Variants in XYLT1 observed in about 807,000 individuals in gnomAD.
XYLT1 encodes beta-D-xylosyltransferase 1.
XYLT1 carries 36 observed loss-of-function variants against 91.3 expected under a neutral mutation model. The ratio of observed to expected loss-of-function variants is 0.39; its 90% CI spans 0.30 to 0.52. The LOEUF (loss-of-function observed/expected upper bound fraction) is 0.52, where lower values mean the gene tolerates loss of function less well. XYLT1 is among the 20% of genes least tolerant of loss of function. XYLT1 has a pLI of 0.68. For synonymous variants in XYLT1, 588 were observed against 532.0 expected (o/e 1.11, Z -1.45); for missense variants, 1,242 against 1,284.5 (o/e 0.97, Z 0.51).
chr16:17,331,187 G>C (rs1193683926), intron 2 of XYLT1, among the ~76,000 whole-genome samples: 3 of 152,374 alleles, frequency 2.0e-5, no homozygotes, highest in South Asian at 2.1e-4. Context: ...CTCTGGAGGA[G>C]GGGGAGATGA....
At chr16:17,415,396 G>A (rs1331753840) in intron 1 of XYLT1, among the ~76,000 whole-genome samples, 2 of 152,154 alleles carry the variant, frequency 1.3e-5, no homozygotes, top group Non-Finnish European at 2.9e-5. Flanking sequence ...GGTAATCTCA[G>A]AAATAAATGG....
rs71137969 is a variant in XYLT1 at position 17,115,800 on chromosome 16, TAAAAAAAAAAAA to T, written c.2557+1834_2557+1845del. Among the ~76,000 whole-genome samples the T allele has an allele frequency of 9.9e-5, 5 of 50,340 alleles. No individual in the cohort carries two copies. The East Asian group carries it at 2.5e-3, about 26-fold the overall frequency. 33.0% of individuals were successfully genotyped at this position (50,340 alleles called of 152,430 possible). A position where few individuals can be genotyped will look rare whatever the true frequency, so the allele number is the denominator to read the frequency against. On this transcript the variant is annotated intron_variant, in intron 11 of 11. Coordinates refer to ENST00000261381, the MANE Select transcript of XYLT1 (RefSeq NM_022166.4). ...GGCACCCAGCCAACCTCTGTTATAT[TAAAAAAAAAAAA>T]AAAAAAAAAAAAAGACTTTTCCTTG...
intron 1 of XYLT1, among the ~76,000 whole-genome samples, chr16:17,389,757 G>C (rs1046978526): frequency 6.6e-6 from 1 of 152,160 alleles, no homozygotes; most frequent in Admixed American, 6.6e-5. Flanking sequence ...AAGGGTGTAG[G>C]CTTCAAGACA....
chr16:17,134,016 C>T (rs539962822), intron 9 of XYLT1, among the ~76,000 whole-genome samples: 22 of 152,104 alleles, frequency 1.4e-4, no homozygotes, highest in African/African-American at 3.9e-4. Context: ...CGGGAGGAGG[C>T]GGAAGGTGGG....
At chr16:17,244,963 AT>A (rs1241180158) in intron 3 of XYLT1, among the ~76,000 whole-genome samples, 1 of 152,126 alleles carries the variant, frequency 6.6e-6, no homozygotes, top group Non-Finnish European at 1.5e-5. Context: ...CTATTAATAT[AT>A]TTTTTACAAG....
At chr16:17,158,378 A>G (rs1172766494) in intron 6 of XYLT1, among the ~76,000 whole-genome samples, 1 of 152,194 alleles carries the variant, frequency 6.6e-6, no homozygotes, top group Admixed American at 6.5e-5. Context: ...CAATTCCCTG[A>G]GAGGAAGGAC....
chr16:17,420,521 G>T (rs1250618063), intron 1 of XYLT1, among the ~76,000 whole-genome samples: 2 of 152,118 alleles, frequency 1.3e-5, no homozygotes, highest in Non-Finnish European at 2.9e-5. Context: ...CATAGTCATA[G>T]CTAAGTAGCC....
intron 6 of XYLT1, among the ~76,000 whole-genome samples, chr16:17,156,044 TGCA>T (rs1258307287): frequency 2.0e-5 from 3 of 152,202 alleles, no homozygotes; most frequent in African/African-American, 7.2e-5. Flanking sequence ...ATGCTGTATA[TGCA>T]GCATCTCATT....
chr16:17,189,512 A>T (rs983591114), intron 5 of XYLT1, among the ~76,000 whole-genome samples: 2 of 152,336 alleles, frequency 1.3e-5, no homozygotes, highest in South Asian at 4.1e-4. Flanking sequence ...CAGGGCATAC[A>T]GTGCAGATAC....
chr16:17,200,227 A>C (rs1200193698), intron 4 of XYLT1, among the ~76,000 whole-genome samples: 3 of 151,098 alleles, frequency 2.0e-5, no homozygotes, highest in African/African-American at 7.3e-5. Flanking sequence ...CAAAAAAAAA[A>C]GAAAAAAAAC....
chr16:17,242,264 G>A (rs1016031725), intron 3 of XYLT1, among the ~76,000 whole-genome samples: 1 of 152,196 alleles, frequency 6.6e-6, no homozygotes, highest in Non-Finnish European at 1.5e-5. Context: ...TTTTATCAGA[G>A]CACAGACATG....
chr16:17,466,033 C>A (rs1280698869), intron 1 of XYLT1, among the ~76,000 whole-genome samples: 2 of 152,190 alleles, frequency 1.3e-5, no homozygotes, highest in Non-Finnish European at 2.9e-5. Flanking sequence ...CGGGGCCTCG[C>A]ACATACTTGT....
intron 2 of XYLT1, among the ~76,000 whole-genome samples, chr16:17,327,604 CCG>C (rs1181320110): frequency 7.1e-3 from 5 of 700 alleles, no homozygotes; most frequent in African/African-American, 0.024. Flanking sequence ...CCTCGTGATC[CCG>C]CCCCCCCCCC....
intron 1 of XYLT1, among the ~76,000 whole-genome samples, chr16:17,384,692 C>T (rs1227951142): frequency 2.0e-5 from 3 of 151,742 alleles, no homozygotes; most frequent in African/African-American, 7.2e-5. Context: ...AAACATCTAA[C>T]TTTGCAACTC....
At chr16:17,306,382 G>T (rs1212860665) in intron 2 of XYLT1, among the ~76,000 whole-genome samples, 1 of 152,208 alleles carries the variant, frequency 6.6e-6, no homozygotes, top group African/African-American at 2.4e-5. Context: ...AGTGGCTCAC[G>T]CCTGTAATCC....
At chr16:17,235,960 G>C (rs143235793) in intron 3 of XYLT1, among the ~76,000 whole-genome samples, 1 of 152,076 alleles carries the variant, frequency 6.6e-6, no homozygotes, top group Non-Finnish European at 1.5e-5. Flanking sequence ...TCTATCTCCC[G>C]GGTTCAAGCA....
chr16:17,266,107 G>A (rs1422678028), intron 2 of XYLT1, among the ~76,000 whole-genome samples: 6 of 152,128 alleles, frequency 3.9e-5, no homozygotes, highest in East Asian at 1.9e-4. Flanking sequence ...AGCGCATCCC[G>A]TCTGCAGCCC....
At chr16:17,316,978 T>G (rs1001945176) in intron 2 of XYLT1, among the ~76,000 whole-genome samples, 42 of 151,328 alleles carry the variant, frequency 2.8e-4, no homozygotes, top group Non-Finnish European at 4.6e-4. Context: ...GCCCGCCACC[T>G]CGCCCGGCTA....
chr16:17,409,332 T>G (rs1177734257), intron 1 of XYLT1, among the ~76,000 whole-genome samples: 1 of 152,178 alleles, frequency 6.6e-6, no homozygotes, highest in Non-Finnish European at 1.5e-5. Context: ...CCTAGCAGCT[T>G]GGACCTGCTA....
Sources: gnomAD v4.1 joint callset for allele counts (sites outside exome capture counted in the v4.1 genomes callset) on GRCh38, gnomAD v4.1.1 for gene constraint, MANE v1.5 for transcripts, NCBI Gene and HGNC (gene_info 2026-07-23, HGNC 2026-07-21) for gene names.